The following DDX46 variants were observed in gnomAD, a reference collection of about 807,000 sequenced individuals.
DDX46 encodes DEAD-box helicase 46, also known as probable ATP-dependent RNA helicase DDX46.
DDX46 carries 30 observed loss-of-function variants against 134.9 expected under a neutral mutation model. The ratio of observed to expected loss-of-function variants is 0.22; its 90% CI spans 0.17 to 0.30. DDX46 has a LOEUF of 0.30. Among genes scored for constraint, DDX46 ranks in the 10% least tolerant of loss-of-function variants. DDX46 has a pLI of 1.00. For synonymous variants in DDX46, 415 were observed against 404.1 expected (o/e 1.03, Z -0.32); for missense variants, 622 against 1,248.7 (o/e 0.50, Z 7.56).
At chr5:134,785,995 C>T (rs1754322068) in intron 11 of DDX46, among the ~76,000 whole-genome samples, 2 of 151,950 alleles carry the variant, frequency 1.3e-5, no homozygotes, top group African/African-American at 4.8e-5. Context: ...ACTACAGGTG[C>T]CTGCCACCAC....
rs1016197451 is a variant in DDX46 at position 134,758,872 on chromosome 5, C to T, written c.-67C>T. 3.7e-6 allele frequency: 6 copies of T among 1,612,956 alleles called. No homozygotes were observed. The African/African-American group carries it at 5.3e-5, about 14-fold the overall frequency. On this transcript the variant is annotated 5_prime_UTR_variant, in exon 1 of 23. Coordinates refer to ENST00000452510, the MANE Select transcript of DDX46 (RefSeq NM_001300860.2). The stretch of plus-strand genomic sequence containing the variant: ...TTGCCGGGCGTTGAGGGCAGCTCAG[C>T]CTCCTTGTTTGTCCGGTTCGCCTGT...
intron 15 of DDX46, among the ~76,000 whole-genome samples, chr5:134,803,819 C>T (rs796350505): frequency 1.0e-4 from 15 of 150,520 alleles, no homozygotes; most frequent in African/African-American, 3.7e-4. Flanking sequence ...TAATACTTGT[C>T]TTTAATACTC....
chr5:134,762,670 T>A (rs1753427626), intron 1 of DDX46, among the ~76,000 whole-genome samples: 1 of 150,936 alleles, frequency 6.6e-6, no homozygotes, highest in Non-Finnish European at 1.5e-5. Context: ...GAGGCAGAGG[T>A]TGCAGTGAGC....
At position 134,788,507 on chromosome 5, in the gene DDX46, T is replaced by G. The variant is rs1754409364; in HGVS notation, c.1465-6T>G. ...ATAGACTATAAAGTTTCATCTTTTT[T>G]ATTAGATTGCTGAGCTGAAAAGAGG... is the stretch of plus-strand genomic sequence containing the variant. On this transcript the variant is annotated splice_region_variant and splice_polypyrimidine_tract_variant and intron_variant, in intron 11 of 22. Coordinates refer to ENST00000452510, the MANE Select transcript of DDX46 (RefSeq NM_001300860.2). 6.2e-7 allele frequency: 1 copy of G among 1,612,226 alleles called. No individual in the cohort carries two copies. The highest frequency in any genetic ancestry group is 1.1e-5 in the South Asian group (1 of 90,894).
At chr5:134,792,938 T>C (rs1754546459) in intron 13 of DDX46, among the ~76,000 whole-genome samples, 1 of 152,106 alleles carries the variant, frequency 6.6e-6, no homozygotes, top group African/African-American at 2.4e-5. Flanking sequence ...GTGGATTGCT[T>C]GAATTCAGGA....
At chr5:134,795,866 G>T in intron 14 of DDX46, 122 bp from the exon 15 acceptor site, 1 of 904,990 alleles carries the variant, frequency 1.1e-6, no homozygotes, top group Non-Finnish European at 1.6e-6. Flanking sequence ...CATCTTCCTA[G>T]CCCTTGGTAA....
At chr5:134,823,799 A>T (rs906629685) in intron 21 of DDX46, among the ~76,000 whole-genome samples, 1 of 152,234 alleles carries the variant, frequency 6.6e-6, no homozygotes, top group Admixed American at 6.5e-5. Context: ...GGTCTTTGCT[A>T]CTGTGTTAAT....
At chr5:134,827,625 A>G (rs1054606985) in intron 22 of DDX46, among the ~76,000 whole-genome samples, 2 of 152,166 alleles carry the variant, frequency 1.3e-5, no homozygotes, top group Non-Finnish European at 2.9e-5. Flanking sequence ...TTTGAACTCC[A>G]CATAAGTGTA....
In DDX46 at chr5:134,830,464, A is replaced by G. The variant is rs1187049972; in HGVS notation, c.*1758A>G. ...GGATGACTGTATATTTCTTAAATGA[A>G]GAGACTTTCATTCTTTAAATATTAT... On this transcript the variant is annotated 3_prime_UTR_variant, in exon 23 of 23. Coordinates refer to ENST00000452510, the MANE Select transcript of DDX46 (RefSeq NM_001300860.2). The G allele has an allele frequency of 6.6e-6, 1 of 152,234 alleles. No homozygotes were observed. Among genetic ancestry groups the G allele is most frequent in the East Asian group, 1.9e-4 (1 of 5,200 alleles). The allele number at this position is 152,234 out of a possible 1,614,324, so 9.4% of individuals were successfully genotyped here.
chr5:134,772,445 C>T (rs1475529472), intron 4 of DDX46, among the ~76,000 whole-genome samples: 11 of 151,694 alleles, frequency 7.3e-5, no homozygotes, highest in Admixed American at 7.2e-4. Flanking sequence ...TGGCTTGAAC[C>T]CCGGACTTGG....
At chr5:134,790,387 T>TTTAA in intron 12 of DDX46, 83 bp from the exon 13 acceptor site, 2 of 1,285,872 alleles carry the variant, frequency 1.6e-6, no homozygotes, top group Non-Finnish European at 2.2e-6. Flanking sequence ...CCTTTACAGT[T>TTTAA]TTTAAAAGTT....
chr5:134,768,227 A>G (rs1297417345), intron 3 of DDX46, among the ~76,000 whole-genome samples: 1 of 151,326 alleles, frequency 6.6e-6, no homozygotes, highest in African/African-American at 2.4e-5. Context: ...CTCTTGCCTC[A>G]GCCTCCCGAG....
chr5:134,817,160 A>G, intron 19 of DDX46: 1 of 218,368 alleles, frequency 4.6e-6, no homozygotes, highest in Non-Finnish European at 8.9e-6. Context: ...AATTCGGAGG[A>G]GACTCCTAGG....
At chr5:134,788,044 A>T (rs965893408) in intron 11 of DDX46, among the ~76,000 whole-genome samples, 2 of 151,228 alleles carry the variant, frequency 1.3e-5, no homozygotes, top group African/African-American at 4.9e-5. Context: ...AAAAAAAAAA[A>T]GCTGATTATG....
rs1753743638 is a variant in DDX46, at chr5:134,770,889, T to A, written c.351-14T>A. ...TGAATGACATTTCTCTTGTCTCTTT[T>A]ATTTTTTTGGTAGATCTAGGTCCAA... On this transcript the variant is annotated splice_polypyrimidine_tract_variant and intron_variant, in intron 3 of 22. Transcript: ENST00000452510. 6.4e-7 allele frequency: 1 copy of A among 1,568,386 alleles called. No homozygotes were observed. Among genetic ancestry groups the A allele is most frequent in the African/African-American group, 1.4e-5 (1 of 71,888 alleles).
chr5:134,760,684 T>C (rs531527582), intron 1 of DDX46, among the ~76,000 whole-genome samples: 8 of 152,296 alleles, frequency 5.3e-5, no homozygotes, highest in African/African-American at 1.9e-4. Context: ...TGATATAATG[T>C]GAAGGGAATT....
chr5:134,808,222 T>C (rs527925001), intron 16 of DDX46, among the ~76,000 whole-genome samples: 56 of 152,342 alleles, frequency 3.7e-4, no homozygotes, highest in African/African-American at 1.3e-3. Context: ...ATACAGATGT[T>C]CCTTGATTTA....
intron 18 of DDX46, 39 bp downstream of exon 18, chr5:134,811,884 T>C (rs777897916): frequency 1.3e-6 from 2 of 1,593,474 alleles, no homozygotes; most frequent in South Asian, 2.3e-5. Context: ...TTGAAGCAGT[T>C]ATTTCTTTTG....
chr5:134,817,977 T>G (rs925326882), intron 20 of DDX46, among the ~76,000 whole-genome samples: 6 of 151,528 alleles, frequency 4.0e-5, no homozygotes, highest in African/African-American at 1.4e-4. Flanking sequence ...GAGACAGACT[T>G]TTGCTCTTAT....
Sources: allele counts gnomAD v4.1 joint callset (sites outside exome capture counted in the v4.1 genomes callset), GRCh38; gene constraint gnomAD v4.1.1; transcripts MANE v1.5; gene names NCBI Gene and HGNC (gene_info 2026-07-23, HGNC 2026-07-21).